The following SLC24A3 variants were observed in gnomAD, a reference collection of about 807,000 sequenced individuals.
The protein encoded by SLC24A3 is sodium/potassium/calcium exchanger 3.
SLC24A3 carries 28 observed loss-of-function variants against 75.8 expected under a neutral mutation model. The ratio of observed to expected loss-of-function variants is 0.37; its 90% CI spans 0.27 to 0.51. The LOEUF (loss-of-function observed/expected upper bound fraction) is 0.51. Among genes scored for constraint, SLC24A3 ranks in the 20% least tolerant of loss-of-function variants. The pLI is 0.94. For missense variants in SLC24A3, 663 were observed against 847.8 expected (o/e 0.78, Z 2.71); for synonymous variants, 372 against 334.1 (o/e 1.11, Z -1.24).
At chr20:19,600,101 G>A (rs2031509321) in intron 6 of SLC24A3, among the ~76,000 whole-genome samples, 1 of 152,146 alleles carries the variant, frequency 6.6e-6, no homozygotes, top group Admixed American at 6.5e-5. Context: ...CAGTGCTCTT[G>A]GTACAGAGTT....
chr20:19,652,540 G>A (rs1221656878), intron 6 of SLC24A3, among the ~76,000 whole-genome samples: 4 of 152,314 alleles, frequency 2.6e-5, no homozygotes, highest in Non-Finnish European at 4.4e-5. Flanking sequence ...TTTTTCTGAT[G>A]TGAATTCTCT....
chr20:19,387,185 G>T (rs1283607774), intron 2 of SLC24A3, among the ~76,000 whole-genome samples: 6 of 151,870 alleles, frequency 4.0e-5, no homozygotes, highest in Non-Finnish European at 8.8e-5. Context: ...AGAATCTATT[G>T]TAATGTTTCC....
chr20:19,280,995 A>G lies in SLC24A3; in HGVS notation c.179A>G (p.Lys60Arg), dbSNP rs769195208. 6 of 1,614,054 alleles carry G rather than the reference A, an allele frequency of 3.7e-6. No homozygotes were observed. Among genetic ancestry groups the G allele is most frequent in the South Asian group, 2.2e-5 (2 of 91,056 alleles). Residue 60 changes from lysine (K) to arginine (R), a missense_variant, in exon 2 of 17, where the codon AAG becomes AGG. Coordinates refer to ENST00000328041, the MANE Select transcript of SLC24A3 (RefSeq NM_020689.4). ...ATGGACCTCGTAGGGGAAGACAGAA[A>G]GTGGATGATGGCGAGGAAGCTGATG... ...DLMDLVGEDRKWMMARKLMQV... is the reference protein window; with the variant it reads ...DLMDLVGEDRRWMMARKLMQV...
chr20:19,704,435 T>C (rs1315719073), intron 15 of SLC24A3, among the ~76,000 whole-genome samples: 2 of 152,200 alleles, frequency 1.3e-5, no homozygotes, highest in Admixed American at 6.5e-5. Flanking sequence ...GCACCCACTA[T>C]ATGCCAGGAA....
intron 3 of SLC24A3, among the ~76,000 whole-genome samples, chr20:19,530,381 G>T (rs564217066): frequency 1.3e-5 from 2 of 152,222 alleles, no homozygotes; most frequent in South Asian, 2.1e-4. Context: ...TTTGGGGTAA[G>T]GTGGTGATGG....
At chr20:19,384,468 GC>G in intron 2 of SLC24A3, among the ~76,000 whole-genome samples, 1 of 152,244 alleles carries the variant, frequency 6.6e-6, no homozygotes, top group East Asian at 1.9e-4. Flanking sequence ...TTAGCATAAT[GC>G]CCAGTAGGTT....
intron 6 of SLC24A3, among the ~76,000 whole-genome samples, chr20:19,613,119 G>A (rs756934017): frequency 5.9e-5 from 9 of 151,964 alleles, no homozygotes; most frequent in East Asian, 1.9e-4. Context: ...GTTCACACAC[G>A]TCCCCACCCA....
chr20:19,431,724 A>G (rs1237582047), intron 2 of SLC24A3, among the ~76,000 whole-genome samples: 1 of 151,648 alleles, frequency 6.6e-6, no homozygotes, highest in Non-Finnish European at 1.5e-5. Context: ...TTCACTTCAA[A>G]AAAAAAAAGG....
intron 2 of SLC24A3, among the ~76,000 whole-genome samples, chr20:19,288,478 C>T (rs911902055): frequency 1.3e-5 from 2 of 152,156 alleles, no homozygotes; most frequent in Non-Finnish European, 2.9e-5. Flanking sequence ...TGGAATCTTT[C>T]TGAAACACAG....
intron 1 of SLC24A3, chr20:19,243,951 T>G (rs1982408741): frequency 6.6e-6 from 1 of 152,206 alleles, no homozygotes; most frequent in African/African-American, 2.4e-5. Context: ...ACTGGAGGTT[T>G]CCACCTGAAT....
At chr20:19,313,188 C>T (rs1017739720) in intron 2 of SLC24A3, among the ~76,000 whole-genome samples, 1 of 152,008 alleles carries the variant, frequency 6.6e-6, no homozygotes, top group African/African-American at 2.4e-5. Context: ...AGGCACCCGC[C>T]AGCATGCCTG....
intron 2 of SLC24A3, among the ~76,000 whole-genome samples, chr20:19,471,286 G>A (rs1012116191): frequency 6.6e-5 from 10 of 152,202 alleles, no homozygotes; most frequent in Non-Finnish European, 1.2e-4. Flanking sequence ...GCTCTAAACT[G>A]CTGTTTTGGT....
intron 6 of SLC24A3, among the ~76,000 whole-genome samples, chr20:19,601,511 G>C (rs115017690): frequency 0.027 from 4,089 of 152,262 alleles, 165 homozygotes; most frequent in African/African-American, 0.094. Context: ...CAGACCCAGG[G>C]TGAACCCATG....
chr20:19,655,279 T>C (rs1338293006), intron 7 of SLC24A3, among the ~76,000 whole-genome samples: 1 of 152,164 alleles, frequency 6.6e-6, no homozygotes, highest in African/African-American at 2.4e-5. Context: ...GCCATCCAAG[T>C]GGTGTCTCCA....
intron 2 of SLC24A3, among the ~76,000 whole-genome samples, chr20:19,406,150 T>G (rs1307543424): frequency 2.0e-5 from 3 of 152,006 alleles, no homozygotes; most frequent in Admixed American, 1.3e-4. Flanking sequence ...GAAGTGCTTA[T>G]TACATTAGAA....
At chr20:19,458,220 T>G (rs1987612836) in intron 2 of SLC24A3, among the ~76,000 whole-genome samples, 1 of 152,132 alleles carries the variant, frequency 6.6e-6, no homozygotes, top group African/African-American at 2.4e-5. Context: ...TTCATGTGTG[T>G]GTTTCCGTAT....
intron 2 of SLC24A3, among the ~76,000 whole-genome samples, chr20:19,466,380 A>G (rs1424099129): frequency 1.3e-5 from 2 of 152,224 alleles, no homozygotes; most frequent in African/African-American, 4.8e-5. Flanking sequence ...CTGAAGCAAC[A>G]CTGGAAAGGG....
intron 3 of SLC24A3, among the ~76,000 whole-genome samples, chr20:19,520,618 A>T (rs1413334771): frequency 1.3e-5 from 2 of 152,170 alleles, no homozygotes; most frequent in African/African-American, 4.8e-5. Flanking sequence ...GGCTCCCTAC[A>T]AGTGGAGGTT....
At chr20:19,364,636 G>A (rs1050367479) in intron 2 of SLC24A3, among the ~76,000 whole-genome samples, 4 of 152,042 alleles carry the variant, frequency 2.6e-5, no homozygotes, top group African/African-American at 9.7e-5. Context: ...TGTATTTTTT[G>A]TAGACGTGGG....
Sources: allele counts gnomAD v4.1 joint callset (sites outside exome capture counted in the v4.1 genomes callset), GRCh38; gene constraint gnomAD v4.1.1; transcripts MANE v1.5; gene names NCBI Gene and HGNC (gene_info 2026-07-23, HGNC 2026-07-21).